Variants in FSTL4 observed in about 807,000 individuals in gnomAD.
FSTL4 encodes the protein follistatin-related protein 4.
A neutral mutation model predicts 78.2 loss-of-function variants in FSTL4; 28 were observed. The ratio of observed to expected loss-of-function variants is 0.36; its 90% CI spans 0.27 to 0.49. The LOEUF (loss-of-function observed/expected upper bound fraction) is 0.49, where lower values mean the gene tolerates loss of function less well. Among genes scored for constraint, FSTL4 ranks in the 20% least tolerant of loss-of-function variants. The pLI, the probability that FSTL4 is intolerant of heterozygous loss-of-function variation, is 0.98. For missense variants in FSTL4, 922 were observed against 1,084.9 expected (o/e 0.85, Z 2.11); for synonymous variants, 422 against 440.5 (o/e 0.96, Z 0.53).
At chr5:133,679,543 A>G in the FSTL4 span, among the ~76,000 whole-genome samples, 1 of 152,054 alleles carries the variant, frequency 6.6e-6, no homozygotes, top group African/African-American at 2.4e-5. Context: ...TGTGCCCATC[A>G]CTTCGGGGAA....
At chr5:133,661,409 G>A in the FSTL4 span, among the ~76,000 whole-genome samples, 1 of 152,204 alleles carries the variant, frequency 6.6e-6, no homozygotes, top group African/African-American at 2.4e-5. Flanking sequence ...TGGCGGTGAG[G>A]ATTAAACAGC....
At chr5:133,798,241 C>A in the FSTL4 span, among the ~76,000 whole-genome samples, 4 of 152,162 alleles carry the variant, frequency 2.6e-5, no homozygotes, top group Admixed American at 6.5e-5. Flanking sequence ...AATTTTAAAT[C>A]ATACATTTTG....
intron 1 of FSTL4, among the ~76,000 whole-genome samples, chr5:133,607,286 G>C (rs1760997804): frequency 6.6e-6 from 1 of 152,178 alleles, no homozygotes; most frequent in Admixed American, 6.5e-5. Context: ...TGACAGTTCA[G>C]TTCATAAAAA....
the FSTL4 span, among the ~76,000 whole-genome samples, chr5:133,795,696 C>T: frequency 2.0e-5 from 3 of 152,192 alleles, no homozygotes; most frequent in African/African-American, 7.2e-5. Flanking sequence ...GCCATAAGGC[C>T]TTCTGAAATG....
intron 6 of FSTL4, among the ~76,000 whole-genome samples, chr5:133,262,304 G>C (rs1752549880): frequency 6.6e-6 from 1 of 152,194 alleles, no homozygotes; most frequent in Admixed American, 6.5e-5. Context: ...CTCCTGATAA[G>C]AGGACCACTG....
At chr5:133,784,677 CTCTTG>C in the FSTL4 span, among the ~76,000 whole-genome samples, 3 of 151,880 alleles carry the variant, frequency 2.0e-5, no homozygotes, top group African/African-American at 7.3e-5. Context: ...AAAGATTTTG[CTCTTG>C]CCTAGCAGTA....
chr5:133,658,723 T>C, the FSTL4 span, among the ~76,000 whole-genome samples: 2 of 152,166 alleles, frequency 1.3e-5, no homozygotes, highest in African/African-American at 4.8e-5. Flanking sequence ...TTAACTGTCT[T>C]ACTTGCATTC....
chr5:133,597,785 C>T (rs1049425760), intron 2 of FSTL4, among the ~76,000 whole-genome samples: 1 of 152,150 alleles, frequency 6.6e-6, no homozygotes, highest in African/African-American at 2.4e-5. Context: ...TGCAGCAATG[C>T]TCATCCCCAA....
At chr5:133,375,300 A>ATGTGTGTG (rs1554109202) in intron 4 of FSTL4, among the ~76,000 whole-genome samples, 8 of 131,670 alleles carry the variant, frequency 6.1e-5, no homozygotes, top group Non-Finnish European at 1.4e-4. Flanking sequence ...GCATATATAT[A>ATGTGTGTG]TATATATATA....
At chr5:133,685,890 T>TA in the FSTL4 span, among the ~76,000 whole-genome samples, 1 of 152,220 alleles carries the variant, frequency 6.6e-6, no homozygotes, top group African/African-American at 2.4e-5. Context: ...AGCTCTGACA[T>TA]ACTCCCGATT....
chr5:133,399,552 C>T lies in FSTL4; in HGVS notation c.409+1186G>A, dbSNP rs996942154. Among the ~76,000 whole-genome samples, 127 of 152,340 alleles carry T rather than the reference C, an allele frequency of 8.3e-4. 1 individual carries two copies. The highest frequency in any genetic ancestry group is 2.8e-3 in the African/African-American group (118 of 41,586). On this transcript the variant is annotated intron_variant, in intron 4 of 15. Transcript: ENST00000265342. The stretch of plus-strand genomic sequence containing the variant: ...AACAGAGGCCAACACACCTTTGCTC[C>T]ACCACCTCAGCCATGAATCCGCCTC...
chr5:133,226,944 A>G (rs1751352695), intron 8 of FSTL4, among the ~76,000 whole-genome samples: 1 of 151,546 alleles, frequency 6.6e-6, no homozygotes, highest in Non-Finnish European at 1.5e-5. Flanking sequence ...TAAAAGAAAA[A>G]CTCCACGGCC....
At chr5:133,251,565 CA>C (rs746981721) in intron 6 of FSTL4, among the ~76,000 whole-genome samples, 20 of 152,094 alleles carry the variant, frequency 1.3e-4, no homozygotes, top group Non-Finnish European at 2.5e-4. Context: ...GCCTATTGAC[CA>C]TCTCCTGTCT....
chr5:133,689,066 C>A, the FSTL4 span, among the ~76,000 whole-genome samples: 2 of 152,140 alleles, frequency 1.3e-5, no homozygotes. Flanking sequence ...TGCAGCCAGC[C>A]CCTTGCCATC....
At chr5:133,544,389 C>T (rs2112922132) in intron 3 of FSTL4, among the ~76,000 whole-genome samples, 1 of 152,136 alleles carries the variant, frequency 6.6e-6, no homozygotes, top group South Asian at 2.1e-4. Flanking sequence ...AAGTTCTATA[C>T]TGAGGAAACA....
chr5:133,242,863 G>A (rs1026045018), intron 7 of FSTL4, among the ~76,000 whole-genome samples: 2 of 152,194 alleles, frequency 1.3e-5, no homozygotes, highest in Non-Finnish European at 2.9e-5. Flanking sequence ...TTTTAATGCA[G>A]AGCCTACAAC....
intron 3 of FSTL4, among the ~76,000 whole-genome samples, chr5:133,428,561 A>G (rs150168763): frequency 1.6e-3 from 238 of 152,320 alleles, no homozygotes; most frequent in Non-Finnish European, 2.9e-3. Flanking sequence ...ACCTGTGTGA[A>G]CTGGCACCTG....
chr5:133,239,720 C>T (rs1751775953), intron 7 of FSTL4, among the ~76,000 whole-genome samples: 1 of 152,204 alleles, frequency 6.6e-6, no homozygotes, highest in Non-Finnish European at 1.5e-5. Context: ...TTTGTGAATG[C>T]ACCAATCGGC....
chr5:133,801,246 C>A, the FSTL4 span, among the ~76,000 whole-genome samples: 1 of 152,168 alleles, frequency 6.6e-6, no homozygotes, highest in African/African-American at 2.4e-5. Context: ...TGTCTCCAGC[C>A]CAGACCCAGA....
Sources: gnomAD v4.1 joint callset for allele counts (sites outside exome capture counted in the v4.1 genomes callset) on GRCh38, gnomAD v4.1.1 for gene constraint, MANE v1.5 for transcripts, NCBI Gene and HGNC (gene_info 2026-07-23, HGNC 2026-07-21) for gene names.